The following PPARGC1A variants were observed in gnomAD, a reference collection of about 807,000 sequenced individuals.
The protein encoded by PPARGC1A is peroxisome proliferator-activated receptor gamma coactivator 1-alpha.
Under a neutral mutation model 88.7 loss-of-function variants are expected in PPARGC1A, and 25 were observed. That is an observed-to-expected ratio of 0.28 (90% confidence interval 0.21 to 0.39). PPARGC1A has a LOEUF of 0.39. PPARGC1A is among the 10% of genes least tolerant of loss of function. The pLI, the probability that PPARGC1A is intolerant of heterozygous loss-of-function variation, is 1.00. For missense variants in PPARGC1A, 880 were observed against 968.7 expected, an observed-to-expected ratio of 0.91 and a Z score of 1.22; for synonymous variants, 363 against 355.6, an observed-to-expected ratio of 1.02 and a Z score of -0.24.
chr4:24,380,395 G>C, the PPARGC1A span, among the ~76,000 whole-genome samples: 1 of 152,146 alleles, frequency 6.6e-6, no homozygotes, highest in African/African-American at 2.4e-5. Context: ...CAAAGAATAC[G>C]ATCAGGAATC....
the PPARGC1A span, among the ~76,000 whole-genome samples, chr4:24,016,215 A>C: frequency 6.6e-6 from 1 of 152,190 alleles, no homozygotes; most frequent in Non-Finnish European, 1.5e-5. Context: ...TCACCAATAC[A>C]TATGACCATT....
At chr4:23,942,965 G>T in the PPARGC1A span, among the ~76,000 whole-genome samples, 4 of 152,274 alleles carry the variant, frequency 2.6e-5, no homozygotes, top group East Asian at 7.7e-4. Context: ...TGCATTTTTA[G>T]TGGAATAAAT....
the PPARGC1A span, among the ~76,000 whole-genome samples, chr4:24,371,448 G>A: frequency 6.6e-6 from 1 of 152,080 alleles, no homozygotes; most frequent in Non-Finnish European, 1.5e-5. Context: ...TTTGCAAAAG[G>A]TCTGAGTGGT....
chr4:23,835,507 TTGGA>T (rs1725857095), intron 2 of PPARGC1A, among the ~76,000 whole-genome samples: 1 of 143,460 alleles, frequency 7.0e-6, no homozygotes, highest in African/African-American at 2.7e-5. Context: ...TGTGTGTGTG[TTGGA>T]GTATGTGGGT....
At chr4:24,082,317 A>G in the PPARGC1A span, among the ~76,000 whole-genome samples, 2 of 152,158 alleles carry the variant, frequency 1.3e-5, no homozygotes, top group Non-Finnish European at 2.9e-5. Flanking sequence ...AGGATGACCT[A>G]TTTTACATGG....
chr4:24,249,273 T>C, the PPARGC1A span, among the ~76,000 whole-genome samples: 5 of 152,140 alleles, frequency 3.3e-5, no homozygotes, highest in Non-Finnish European at 7.4e-5. Flanking sequence ...ACTCCTACTT[T>C]TTTTTTTCAT....
the PPARGC1A span, among the ~76,000 whole-genome samples, chr4:23,962,899 G>C: frequency 6.6e-6 from 1 of 152,168 alleles, no homozygotes; most frequent in South Asian, 2.1e-4. Context: ...TGAGCTCCTA[G>C]CTGCAAATTT....
chr4:23,935,811 C>A, the PPARGC1A span, among the ~76,000 whole-genome samples: 1 of 152,080 alleles, frequency 6.6e-6, no homozygotes, highest in Admixed American at 6.5e-5. Context: ...TGAATCCAAA[C>A]CTCATGTTCT....
chr4:23,849,561 T>A (rs1486885028), intron 2 of PPARGC1A, among the ~76,000 whole-genome samples: 1 of 151,992 alleles, frequency 6.6e-6, no homozygotes, highest in South Asian at 2.1e-4. Flanking sequence ...GGGATACAGA[T>A]GAAAAAGAAA....
intron 7 of PPARGC1A, among the ~76,000 whole-genome samples, chr4:23,816,641 A>G (rs1722046496): frequency 6.6e-6 from 1 of 152,204 alleles, no homozygotes; most frequent in Non-Finnish European, 1.5e-5. Context: ...ATACCAATCA[A>G]ATATGTCCAA....
chr4:24,281,910 T>A, the PPARGC1A span, among the ~76,000 whole-genome samples: 2 of 152,248 alleles, frequency 1.3e-5, no homozygotes, highest in East Asian at 3.8e-4. Flanking sequence ...ATAAGGCAGA[T>A]ACTCTTATCT....
At chr4:24,073,070 T>C in the PPARGC1A span, among the ~76,000 whole-genome samples, 1 of 152,128 alleles carries the variant, frequency 6.6e-6, no homozygotes, top group Non-Finnish European at 1.5e-5. Context: ...TGAGATGGAG[T>C]CTTGCTCTGT....
intron 2 of PPARGC1A, among the ~76,000 whole-genome samples, chr4:23,875,056 AC>A (rs1714412682): frequency 6.6e-6 from 1 of 152,234 alleles, no homozygotes. Flanking sequence ...ACAAACCTTG[AC>A]CAACTTTGCG....
the PPARGC1A span, among the ~76,000 whole-genome samples, chr4:24,387,891 A>G: frequency 1.2e-4 from 15 of 122,764 alleles, no homozygotes; most frequent in East Asian, 3.7e-3. Flanking sequence ...AGAAAGAAAG[A>G]AAGAAAAAGA....
At chr4:24,250,653 G>A in the PPARGC1A span, among the ~76,000 whole-genome samples, 1 of 152,178 alleles carries the variant, frequency 6.6e-6, no homozygotes, top group Non-Finnish European at 1.5e-5. Context: ...GAAAGAGGAG[G>A]AGGAAAAAAC....
chr4:24,100,590 C>T, the PPARGC1A span, among the ~76,000 whole-genome samples: 1 of 151,956 alleles, frequency 6.6e-6, no homozygotes, highest in Non-Finnish European at 1.5e-5. Flanking sequence ...TTGTATAAAT[C>T]AATATTGAGT....
chr4:24,105,016 T>C, the PPARGC1A span, among the ~76,000 whole-genome samples: 1 of 152,168 alleles, frequency 6.6e-6, no homozygotes, highest in Non-Finnish European at 1.5e-5. Context: ...GCAACGCCCA[T>C]GTATGGCACG....
the PPARGC1A span, among the ~76,000 whole-genome samples, chr4:24,229,279 G>A: frequency 6.7e-6 from 1 of 149,126 alleles, no homozygotes; most frequent in East Asian, 2.0e-4. Context: ...TTAGCCTCCT[G>A]AGTAGCCGGG....
chr4:24,045,726 T>C, the PPARGC1A span, among the ~76,000 whole-genome samples: 1 of 152,204 alleles, frequency 6.6e-6, no homozygotes, highest in African/African-American at 2.4e-5. Context: ...TGATTAACTA[T>C]GAAAAGACTA....
Sources: allele counts gnomAD v4.1 joint callset (sites outside exome capture counted in the v4.1 genomes callset), GRCh38; gene constraint gnomAD v4.1.1; transcripts MANE v1.5; gene names NCBI Gene and HGNC (gene_info 2026-07-23, HGNC 2026-07-21).